Variants in UBE2E2 observed in about 807,000 individuals in gnomAD.
The protein encoded by UBE2E2 is ubiquitin-conjugating enzyme E2 E2.
UBE2E2 carries 6 observed loss-of-function variants against 24.7 expected under a neutral mutation model. That is an observed-to-expected ratio of 0.24 (90% CI 0.13 to 0.48). The LOEUF (loss-of-function observed/expected upper bound fraction) is 0.48. Among genes scored for constraint, UBE2E2 ranks in the 20% least tolerant of loss-of-function variants. UBE2E2 has a pLI of 0.99. For synonymous variants in UBE2E2, 104 were observed against 83.6 expected (o/e 1.24, Z -1.33); for missense variants, 169 against 245.0 (o/e 0.69, Z 2.07).
intron 5 of UBE2E2, among the ~76,000 whole-genome samples, chr3:23,553,666 G>A (rs1309636421): frequency 6.6e-5 from 10 of 152,006 alleles, no homozygotes; most frequent in Non-Finnish European, 1.0e-4. Flanking sequence ...CTCAAAAGCC[G>A]TATCCATCTA....
intron 3 of UBE2E2, among the ~76,000 whole-genome samples, chr3:23,352,221 C>G (rs1403263012): frequency 6.6e-6 from 1 of 151,854 alleles, no homozygotes. Flanking sequence ...ATCTCTGGGA[C>G]ACATTCAAAG....
chr3:23,565,443 GCT>G (rs1491383330), intron 5 of UBE2E2, among the ~76,000 whole-genome samples: 3 of 77,940 alleles, frequency 3.8e-5, no homozygotes, highest in East Asian at 6.9e-4. Context: ...AATAGGCATG[GCT>G]TTTTTTTTTT....
chr3:23,246,128 T>C (rs976482239), intron 3 of UBE2E2, among the ~76,000 whole-genome samples: 1 of 151,980 alleles, frequency 6.6e-6, no homozygotes, highest in African/African-American at 2.4e-5. Flanking sequence ...CGCCGAAGCC[T>C]CCACATCCTG....
At chr3:23,562,230 T>G (rs531012127) in intron 5 of UBE2E2, among the ~76,000 whole-genome samples, 300 of 152,246 alleles carry the variant, frequency 2.0e-3, no homozygotes, top group Non-Finnish European at 3.5e-3. Context: ...CTTATTATTT[T>G]GAGATACGTC....
At chr3:23,463,014 G>A (rs575557808) in intron 3 of UBE2E2, among the ~76,000 whole-genome samples, 2 of 152,262 alleles carry the variant, frequency 1.3e-5, no homozygotes, top group Non-Finnish European at 2.9e-5. Context: ...ATGGTATTAT[G>A]ACAATAGGTT....
At chr3:23,363,172 T>A (rs1696165130) in intron 3 of UBE2E2, among the ~76,000 whole-genome samples, 2 of 152,216 alleles carry the variant, frequency 1.3e-5, no homozygotes, top group East Asian at 3.9e-4. Flanking sequence ...AAGGAAAGAC[T>A]GTGTTACCAA....
At chr3:23,397,783 T>G (rs1274857562) in intron 3 of UBE2E2, among the ~76,000 whole-genome samples, 1 of 152,182 alleles carries the variant, frequency 6.6e-6, no homozygotes, top group Non-Finnish European at 1.5e-5. Flanking sequence ...GGTGAACATT[T>G]TAATATAATG....
intron 5 of UBE2E2, among the ~76,000 whole-genome samples, chr3:23,569,858 G>A (rs1275554155): frequency 1.3e-5 from 2 of 152,084 alleles, no homozygotes; most frequent in African/African-American, 4.8e-5. Flanking sequence ...ATTTTATCAA[G>A]TATATACAGC....
At chr3:23,352,271 A>G (rs897585897) in intron 3 of UBE2E2, among the ~76,000 whole-genome samples, 3 of 152,142 alleles carry the variant, frequency 2.0e-5, no homozygotes, top group Non-Finnish European at 4.4e-5. Flanking sequence ...AATGCCCACA[A>G]GAGAAAGCAG....
chr3:23,339,043 T>A (rs1244826749), intron 3 of UBE2E2, among the ~76,000 whole-genome samples: 2 of 152,182 alleles, frequency 1.3e-5, no homozygotes, highest in African/African-American at 4.8e-5. Flanking sequence ...AATGGACATC[T>A]TCTTAACCAA....
chr3:23,360,383 A>G (rs1016669995), intron 3 of UBE2E2, among the ~76,000 whole-genome samples: 5 of 152,308 alleles, frequency 3.3e-5, no homozygotes, highest in Middle Eastern at 6.8e-3. Flanking sequence ...GCTGTGTGCC[A>G]GAACAGTACT....
intron 3 of UBE2E2, among the ~76,000 whole-genome samples, chr3:23,273,562 C>T (rs909847221): frequency 3.3e-5 from 5 of 151,262 alleles, no homozygotes; most frequent in Admixed American, 2.6e-4. Context: ...AAATGATGTA[C>T]AGCAGGTCCT....
intron 5 of UBE2E2, among the ~76,000 whole-genome samples, chr3:23,542,999 T>C (rs551998615): frequency 6.6e-6 from 1 of 152,294 alleles, no homozygotes; most frequent in African/African-American, 2.4e-5. Flanking sequence ...CTCCCTGCAG[T>C]AGTAACCTCT....
chr3:23,205,938 A>G (rs1448758021), intron 1 of UBE2E2, among the ~76,000 whole-genome samples: 1 of 152,224 alleles, frequency 6.6e-6, no homozygotes, highest in Non-Finnish European at 1.5e-5. Context: ...CATAAATAAG[A>G]ATATTGAGAA....
At chr3:23,229,598 A>C (rs934866299) in intron 3 of UBE2E2, among the ~76,000 whole-genome samples, 1 of 152,208 alleles carries the variant, frequency 6.6e-6, no homozygotes, top group Non-Finnish European at 1.5e-5. Flanking sequence ...TAGCAAGTAA[A>C]TGGCAGAACT....
chr3:23,533,508 G>A (rs1695173014), intron 5 of UBE2E2, among the ~76,000 whole-genome samples: 2 of 151,890 alleles, frequency 1.3e-5, no homozygotes. Context: ...GTATCAGTGG[G>A]GTTGCTTAGG....
chr3:23,477,191 C>G (rs1180145087), intron 3 of UBE2E2, among the ~76,000 whole-genome samples: 1 of 152,132 alleles, frequency 6.6e-6, no homozygotes, highest in Non-Finnish European at 1.5e-5. Context: ...CCTTAGCCAG[C>G]TGTGAATATA....
At chr3:23,420,861 C>T (rs1201538581) in intron 3 of UBE2E2, among the ~76,000 whole-genome samples, 2 of 152,152 alleles carry the variant, frequency 1.3e-5, no homozygotes, top group East Asian at 1.9e-4. Flanking sequence ...GCCCACAAAA[C>T]CCCTAACTAG....
chr3:23,327,160 A>G (rs1052987769), intron 3 of UBE2E2, among the ~76,000 whole-genome samples: 4 of 152,210 alleles, frequency 2.6e-5, no homozygotes, highest in Non-Finnish European at 5.9e-5. Flanking sequence ...TTATAGCAGC[A>G]TGATTTATAA....
Sources: gnomAD v4.1 joint callset for allele counts (sites outside exome capture counted in the v4.1 genomes callset) on GRCh38, gnomAD v4.1.1 for gene constraint, MANE v1.5 for transcripts, NCBI Gene and HGNC (gene_info 2026-07-23, HGNC 2026-07-21) for gene names.